MINAR1: variants seen among roughly 807,000 people sequenced by gnomAD.
The protein encoded by MINAR1 is membrane integral NOTCH2 associated receptor 1, also known as major intrinsically disordered Notch2-binding receptor 1.
In MINAR1, 40 loss-of-function variants were observed where a neutral mutation model predicts 65.1. The observed-to-expected ratio is 0.61, with a 90% CI of 0.48 to 0.80. The LOEUF is 0.80. Among genes scored for constraint, MINAR1 ranks in the 30% least tolerant of loss-of-function variants. The pLI, the probability that MINAR1 is intolerant of heterozygous loss-of-function variation, is 0.00. For synonymous variants in MINAR1, 482 were observed against 449.1 expected, an observed-to-expected ratio of 1.07 and a Z score of -0.93; for missense variants, 1,128 against 1,148.0, an observed-to-expected ratio of 0.98 and a Z score of 0.25.
In MINAR1 at chr15:79,463,160, T is replaced by C. The variant is rs1198636115; in HGVS notation, c.2392T>C (p.Tyr798His). The C allele has an allele frequency of 1.2e-6, 2 of 1,614,072 alleles. No homozygotes were observed. The highest frequency in any genetic ancestry group is 1.3e-5 in the African/African-American group (1 of 74,932). Residue 798 changes from tyrosine (Y) to histidine (H), a missense_variant, in exon 3 of 4, where the codon TAC becomes CAC. Physicochemically the swap from Tyr to His is moderately conservative, Grantham distance 83 (BLOSUM62 2). Coordinates refer to ENST00000305428, the MANE Select transcript of MINAR1 (RefSeq NM_015206.3). ...LVEQVFSPHP[Y>H]PASLKAHMKS... Reference sequence around the variant, plus strand: ...GGAGCAGGTGTTCAGCCCTCACCCCTACCCTGCCTCCCTCAAGGCCCACAT... The same window carrying C: ...GGAGCAGGTGTTCAGCCCTCACCCCCACCCTGCCTCCCTCAAGGCCCACAT...
At chr15:79,449,528 C>CAAAAGGGT (rs1895125858) in intron 1 of MINAR1, among the ~76,000 whole-genome samples, 1 of 152,124 alleles carries the variant, frequency 6.6e-6, no homozygotes, top group African/African-American at 2.4e-5. Flanking sequence ...GGCAAAAGGG[C>CAAAAGGGT]AAGCTAGCAG....
intron 1 of MINAR1, among the ~76,000 whole-genome samples, chr15:79,434,680 T>C (rs1193907264): frequency 1.3e-5 from 2 of 152,228 alleles, no homozygotes; most frequent in Non-Finnish European, 2.9e-5. Context: ...TGAATCCCAC[T>C]GATTAGCTTT....
At chr15:79,431,514 T>G (rs112283669), upstream of MINAR1, among the ~76,000 whole-genome samples, 13,587 of 115,596 alleles carry the variant, frequency 0.12, 882 homozygotes, top group African/African-American at 0.24. Context: ...TGTGTGTGTG[T>G]GGGGGGGGAG....
chr15:79,457,106 T>A lies in MINAR1; in HGVS notation c.959T>A (p.Val320Asp), dbSNP rs981489433. The change falls in exon 2 of 4, where the codon GTT becomes GAT. Residue 320 changes from valine to aspartate, a missense_variant. By Grantham distance (152) the Val-to-Asp change is radical. Coordinates refer to ENST00000305428, the MANE Select transcript of MINAR1 (RefSeq NM_015206.3). ...TACCTGAATCCAGTGTATTCCCCGG[T>A]TCCTGACAAAAGGCGAGCAAAGCAC... is the stretch of plus-strand genomic sequence containing the variant. ...SQYLNPVYSPVPDKRRAKHES... is the reference protein window; with the variant it reads ...SQYLNPVYSPDPDKRRAKHES... The A allele has an allele frequency of 7.4e-6, 12 of 1,613,944 alleles. No homozygotes were observed. The African/African-American group carries it at 1.5e-4, about 20-fold the overall frequency.
chr15:79,419,333 T>G, the MINAR1 span: 1 of 152,226 alleles, frequency 6.6e-6, no homozygotes, highest in Admixed American at 6.5e-5. Context: ...TGACTCAAGA[T>G]AGTCTCCACT....
chr15:79,464,904 T>G (rs988844145), intron 3 of MINAR1, among the ~76,000 whole-genome samples: 3 of 152,098 alleles, frequency 2.0e-5, no homozygotes, highest in African/African-American at 7.2e-5. Flanking sequence ...TGATTCTCCC[T>G]CCGGTGGAAT....
chr15:79,428,636 A>C (rs1212781611), upstream of MINAR1, among the ~76,000 whole-genome samples: 1 of 152,024 alleles, frequency 6.6e-6, no homozygotes, highest in Non-Finnish European at 1.5e-5. Context: ...CTTCCCAAAA[A>C]CTCTATGAAA....
chr15:79,452,203 A>ATG (rs34276947), intron 1 of MINAR1, among the ~76,000 whole-genome samples: 2 of 150,776 alleles, frequency 1.3e-5, no homozygotes, highest in African/African-American at 4.9e-5. Context: ...GTGTAGGTGA[A>ATG]TGTGTGTGTG....
chr15:79,413,788 C>G, the MINAR1 span: 2 of 152,210 alleles, frequency 1.3e-5, no homozygotes, highest in Non-Finnish European at 2.9e-5. Context: ...GCCTTCATAC[C>G]AACCTCGTCA....
At chr15:79,460,257 C>A (rs773421964) in intron 2 of MINAR1, among the ~76,000 whole-genome samples, 1 of 152,176 alleles carries the variant, frequency 6.6e-6, no homozygotes, top group African/African-American at 2.4e-5. Flanking sequence ...CCCGGCCCAC[C>A]TTTGGAGCTT....
At chr15:79,453,426 TCA>T (rs10573176) in intron 1 of MINAR1, among the ~76,000 whole-genome samples, 33,033 of 152,106 alleles carry the variant, frequency 0.22, 4,065 homozygotes, top group Middle Eastern at 0.33. Context: ...TCTGAGTTCC[TCA>T]GTTTCCTTAT....
At chr15:79,432,096 G>T (rs896531589), upstream of MINAR1, among the ~76,000 whole-genome samples, 5 of 152,096 alleles carry the variant, frequency 3.3e-5, no homozygotes, top group Admixed American at 6.5e-5. Context: ...GCTGCTCCCA[G>T]CCTGCAAGCC....
chr15:79,442,303 T>C (rs1894892880), intron 1 of MINAR1, among the ~76,000 whole-genome samples: 1 of 152,080 alleles, frequency 6.6e-6, no homozygotes, highest in African/African-American at 2.4e-5. Flanking sequence ...CAGTAGTATT[T>C]TAACTAACAA....
intron 1 of MINAR1, among the ~76,000 whole-genome samples, chr15:79,452,292 C>A (rs547640437): frequency 4.6e-4 from 69 of 151,642 alleles, no homozygotes; most frequent in African/African-American, 1.5e-3. Flanking sequence ...GAGTGTGAAG[C>A]TGGGAAGCTG....
chr15:79,411,422 A>C, the MINAR1 span: 1 of 702,520 alleles, frequency 1.4e-6, no homozygotes, highest in Middle Eastern at 2.3e-4. Context: ...GCTTATTGGA[A>C]GGAGGTGGAC....
In MINAR1 at chr15:79,472,276, A is replaced by G. The variant is rs1896113246; in HGVS notation, c.*3892A>G. On this transcript the variant is annotated 3_prime_UTR_variant, in exon 4 of 4. Transcript: ENST00000305428. ...TGTAAAATTGGCCTCTCCAAATATAATCAGAAATAAACCGAAAAAAATATA... is the reference window on the plus strand; with the variant it reads ...TGTAAAATTGGCCTCTCCAAATATAGTCAGAAATAAACCGAAAAAAATATA... The G allele has an allele frequency of 6.6e-6, 1 of 152,402 alleles. No individual in the cohort carries two copies. 9.4% of individuals were successfully genotyped at this position (152,402 alleles called of 1,614,324 possible).
chr15:79,461,336 AAT>A (rs1478573149), intron 2 of MINAR1, among the ~76,000 whole-genome samples: 1 of 152,236 alleles, frequency 6.6e-6, no homozygotes, highest in African/African-American at 2.4e-5. Flanking sequence ...TCAGAATTTT[AAT>A]GAGAAGATGA....
chr15:79,419,575 A>T, the MINAR1 span: 1 of 152,196 alleles, frequency 6.6e-6, no homozygotes, highest in Non-Finnish European at 1.5e-5. Context: ...TTTGCTGTCT[A>T]TGTGCAACAG....
At chr15:79,448,619 T>C (rs968228127) in intron 1 of MINAR1, among the ~76,000 whole-genome samples, 4 of 152,224 alleles carry the variant, frequency 2.6e-5, no homozygotes, top group Non-Finnish European at 4.4e-5. Flanking sequence ...AATGAGAACA[T>C]TGTGGCTGTT....
Sources: allele counts gnomAD v4.1 joint callset (sites outside exome capture counted in the v4.1 genomes callset), GRCh38; gene constraint gnomAD v4.1.1; transcripts MANE v1.5; gene names NCBI Gene and HGNC (gene_info 2026-07-23, HGNC 2026-07-21).